CELF2: variants seen among roughly 807,000 people sequenced by gnomAD.
CELF2 encodes CUG triplet repeat RNA-binding protein 2.
CELF2 carries 8 observed loss-of-function variants against 62.6 expected under a neutral mutation model. That is an observed-to-expected ratio of 0.13 (90% confidence interval 0.07 to 0.23). CELF2 has a LOEUF of 0.23. CELF2 is among the 10% of genes least tolerant of loss of function. The pLI is 1.00. For missense variants in CELF2, 333 were observed against 671.0 expected (o/e 0.50, Z 5.56); for synonymous variants, 258 against 250.0 (o/e 1.03, Z -0.30).
At chr10:11,093,986 A>G (rs549477558) in intron 1 of CELF2, among the ~76,000 whole-genome samples, 2 of 152,324 alleles carry the variant, frequency 1.3e-5, no homozygotes, top group African/African-American at 2.4e-5. Flanking sequence ...ATTTCTGCTA[A>G]TGGTATTACA....
At chr10:10,649,120 T>G in the CELF2 span, among the ~76,000 whole-genome samples, 2 of 152,224 alleles carry the variant, frequency 1.3e-5, no homozygotes, top group Non-Finnish European at 2.9e-5. Flanking sequence ...CATTATCCTC[T>G]CATTTTTTCA....
chr10:10,554,176 T>A, the CELF2 span, among the ~76,000 whole-genome samples: 23 of 152,080 alleles, frequency 1.5e-4, no homozygotes, highest in Non-Finnish European at 2.8e-4. Flanking sequence ...CAGCAATAGG[T>A]TAGATACTGG....
At chr10:11,322,124 A>G (rs144044353) in intron 11 of CELF2, among the ~76,000 whole-genome samples, 103 of 152,356 alleles carry the variant, frequency 6.8e-4, no homozygotes, top group African/African-American at 2.2e-3. Context: ...ATGGATGGCC[A>G]CAGGCTTCTG....
the CELF2 span, among the ~76,000 whole-genome samples, chr10:10,465,786 G>A: frequency 1.1e-4 from 16 of 152,160 alleles, no homozygotes; most frequent in African/African-American, 3.1e-4. Flanking sequence ...TGGTTATGGC[G>A]GGCTTGTCCA....
intron 1 of CELF2, among the ~76,000 whole-genome samples, chr10:10,800,747 A>AT (rs886526147): frequency 3.6e-4 from 55 of 151,996 alleles, no homozygotes; most frequent in African/African-American, 9.9e-4. Context: ...TCCTTCAGTG[A>AT]TTTTTTTTCT....
the CELF2 span, among the ~76,000 whole-genome samples, chr10:10,579,677 A>G: frequency 0.49 from 74,121 of 151,948 alleles, 18,789 homozygotes; most frequent in East Asian, 0.65. Flanking sequence ...GGAATAGTAA[A>G]AATATTCATC....
chr10:10,952,027 G>A (rs2048374086), intron 2 of CELF2: 1 of 152,290 alleles, frequency 6.6e-6, no homozygotes, highest in African/African-American at 2.4e-5. Context: ...CAGAGAGAGG[G>A]GAGAGTGGAG....
At chr10:11,146,859 C>T (rs567801979) in intron 1 of CELF2, among the ~76,000 whole-genome samples, 3 of 152,280 alleles carry the variant, frequency 2.0e-5, no homozygotes, top group African/African-American at 4.8e-5. Flanking sequence ...CCTGATAGCA[C>T]GGGTGAAAAG....
the CELF2 span, among the ~76,000 whole-genome samples, chr10:10,481,191 A>T: frequency 6.6e-6 from 1 of 152,184 alleles, no homozygotes; most frequent in East Asian, 1.9e-4. Context: ...CAACCACTGA[A>T]ACTAGAGTAG....
At chr10:11,009,321 G>A (rs1247580058) in intron 1 of CELF2, among the ~76,000 whole-genome samples, 1 of 134,406 alleles carries the variant, frequency 7.4e-6, no homozygotes, top group African/African-American at 3.8e-5. Flanking sequence ...TGGAAGTTGT[G>A]TGTGTGTGTG....
chr10:11,274,983 A>G (rs2085452827), intron 7 of CELF2, 74 bp from the exon 8 acceptor site: 1 of 1,400,112 alleles, frequency 7.1e-7, no homozygotes, highest in Non-Finnish European at 1.0e-6. Context: ...AGTAAACTGA[A>G]TTTGTCCCCA....
intron 1 of CELF2, among the ~76,000 whole-genome samples, chr10:10,869,809 C>T (rs2060621647): frequency 6.6e-6 from 1 of 152,082 alleles, no homozygotes; most frequent in African/African-American, 2.4e-5. Flanking sequence ...AGAAAACCGG[C>T]CATGAGTCAT....
intron 5 of CELF2, among the ~76,000 whole-genome samples, chr10:11,259,619 C>T (rs1251382948): frequency 3.9e-5 from 6 of 152,138 alleles, no homozygotes; most frequent in Admixed American, 6.5e-5. Context: ...CCTGTGCCAT[C>T]GTCAGGGGCA....
rs577593876 is a variant in CELF2 at position 11,129,238 on chromosome 10, T to C, written c.75-36248T>C. ...TCCCAGGGATGAAGCCGACTTGATA[T>C]TGGTGGATAAGCTTTTTGATGTGCT... On this transcript the variant is annotated intron_variant, in intron 1 of 12. Transcript: ENST00000633077. Among the ~76,000 whole-genome samples, 5 of 152,272 alleles carry C rather than the reference T, an allele frequency of 3.3e-5. No homozygotes were observed. The South Asian group carries it at 1.0e-3, about 32-fold the overall frequency.
chr10:10,598,324 A>G, the CELF2 span, among the ~76,000 whole-genome samples: 1 of 152,208 alleles, frequency 6.6e-6, no homozygotes, highest in South Asian at 2.1e-4. Context: ...GACGTCTGTC[A>G]GTCATCCTTC....
rs1457304285 is a variant in CELF2, at chr10:11,249,314, A to T, written c.403+113A>T. On this transcript the variant is annotated intron_variant, in intron 4 of 12. Transcript: ENST00000633077. Reference sequence around the variant, plus strand: ...CTGCTTTTCTCTCTAGAGGACAGAGAGCGCTGCTCCTGGAATCTTCTCTGT... The same window carrying T: ...CTGCTTTTCTCTCTAGAGGACAGAGTGCGCTGCTCCTGGAATCTTCTCTGT... 8.6e-6 allele frequency: 7 copies of T among 811,322 alleles called. No individual in the cohort carries two copies. The East Asian group carries it at 1.8e-4, about 21-fold the overall frequency. The allele number at this position is 811,322 out of a possible 1,614,324, so 50.3% of individuals were successfully genotyped here. A position where few individuals can be genotyped will look rare whatever the true frequency, so the allele number is the denominator to read the frequency against.
rs116126634 is a variant in CELF2 at position 11,021,625 on chromosome 10, G to A, written c.74+3462G>A. On this transcript the variant is annotated intron_variant, in intron 1 of 12. Coordinates refer to ENST00000633077, the MANE Select transcript of CELF2 (RefSeq NM_001326342.2). ...TGCGCCAGGATAGTTTATTCACACCGTCTCTAATCTGCAGGGTGGATATTG... is the reference window on the plus strand; with the variant it reads ...TGCGCCAGGATAGTTTATTCACACCATCTCTAATCTGCAGGGTGGATATTG... Among the ~76,000 whole-genome samples, 1,016 of 152,284 alleles carry A rather than the reference G, an allele frequency of 6.7e-3. 9 individuals carry two copies. Among genetic ancestry groups the A allele is most frequent in the African/African-American group, 0.024 (977 of 41,562 alleles).
the CELF2 span, among the ~76,000 whole-genome samples, chr10:10,578,911 A>G: frequency 7.2e-5 from 11 of 152,240 alleles, no homozygotes; most frequent in East Asian, 1.2e-3. Context: ...TAACTTTCAC[A>G]TCTATTAGCT....
chr10:11,046,841 GAAACTGCCTCC>G lies in CELF2; in HGVS notation c.74+28680_74+28690del, dbSNP rs1296328135. On this transcript the variant is annotated intron_variant, in intron 1 of 12. Transcript: ENST00000633077. The surrounding 1 kb of genome is among the most constrained non-coding windows in gnomAD (Gnocchi z 4.6). ...ATTTTCTAAAATTTTAAATTTCATCGAAACTGCCTCCACTAAGCTAACATGTGCTTGAGTCA... is the reference window on the plus strand; with the variant it reads ...ATTTTCTAAAATTTTAAATTTCATCGACTAAGCTAACATGTGCTTGAGTCA... Among the ~76,000 whole-genome samples, 1 of 152,080 alleles carries G rather than the reference GAAACTGCCTCC, an allele frequency of 6.6e-6. No individual in the cohort carries two copies. Among genetic ancestry groups the G allele is most frequent in the African/African-American group, 2.4e-5 (1 of 41,392 alleles).
Sources: gnomAD v4.1 joint callset for allele counts (sites outside exome capture counted in the v4.1 genomes callset) on GRCh38, gnomAD v4.1.1 for gene constraint, Gnocchi (gnomAD v3.1) non-coding constraint, MANE v1.5 for transcripts, NCBI Gene and HGNC (gene_info 2026-07-23, HGNC 2026-07-21) for gene names.